Variants in ASTN2 observed in about 807,000 individuals in gnomAD.
ASTN2 encodes astrotactin-2.
Under a neutral mutation model 139.8 loss-of-function variants are expected in ASTN2, and 54 were observed. The observed-to-expected ratio is 0.39, with a 90% CI of 0.31 to 0.48. The LOEUF is 0.48. Among genes scored for constraint, ASTN2 ranks in the 20% least tolerant of loss-of-function variants. The pLI, the probability that ASTN2 is intolerant of heterozygous loss-of-function variation, is 0.95. For synonymous variants in ASTN2, 756 were observed against 719.5 expected, an observed-to-expected ratio of 1.05 and a Z score of -0.81; for missense variants, 1,565 against 1,725.1, an observed-to-expected ratio of 0.91 and a Z score of 1.64.
chr9:117,212,864 G>C (rs1342487887), intron 3 of ASTN2, among the ~76,000 whole-genome samples: 1 of 152,084 alleles, frequency 6.6e-6, no homozygotes, highest in Non-Finnish European at 1.5e-5. Context: ...TCACTATATA[G>C]AACAGTTTGG....
chr9:117,237,442 G>T (rs1833078640), intron 2 of ASTN2, among the ~76,000 whole-genome samples: 1 of 152,064 alleles, frequency 6.6e-6, no homozygotes, highest in African/African-American at 2.4e-5. Context: ...CAGCACCTTA[G>T]AATTTTTGTG....
intron 2 of ASTN2, among the ~76,000 whole-genome samples, chr9:117,255,986 C>G (rs563532098): frequency 6.6e-6 from 1 of 152,176 alleles, no homozygotes; most frequent in Admixed American, 6.5e-5. Flanking sequence ...AAGGGAAAAG[C>G]AAATTTGGTC....
In ASTN2 at chr9:117,367,451, C is replaced by T. The variant is rs114390766; in HGVS notation, c.442+47046G>A. On this transcript the variant is annotated intron_variant, in intron 1 of 22. Coordinates refer to ENST00000313400, the MANE Select transcript of ASTN2 (RefSeq NM_001365068.1). ...TACTAATACCTGTATACTTCAAATG[C>T]GTTTTCTGTAAAGAAGGGACATTTT... 7.6e-3 allele frequency among the ~76,000 whole-genome samples: 1,149 copies of T among 152,152 alleles called. 16 individuals are homozygous for T. The highest frequency in any genetic ancestry group is 0.026 in the African/African-American group (1,074 of 41,524).
chr9:116,489,303 ATTCT>A (rs1439670706), intron 19 of ASTN2, among the ~76,000 whole-genome samples: 2 of 152,184 alleles, frequency 1.3e-5, no homozygotes, highest in Admixed American at 6.5e-5. Context: ...GAAAAGTTTC[ATTCT>A]TTATTTTATT....
intron 19 of ASTN2, among the ~76,000 whole-genome samples, chr9:116,597,929 T>C (rs1433966743): frequency 6.6e-6 from 1 of 152,122 alleles, no homozygotes; most frequent in Non-Finnish European, 1.5e-5. Flanking sequence ...ACCCCAAAGG[T>C]GAGCTGGAGA....
At chr9:116,498,160 C>G (rs2119125672) in intron 19 of ASTN2, among the ~76,000 whole-genome samples, 1 of 152,308 alleles carries the variant, frequency 6.6e-6, no homozygotes, top group East Asian at 1.9e-4. Context: ...AAACACACAG[C>G]TACTACCCAG....
rs572111912 is a variant in ASTN2, at chr9:116,966,670, TATAGTA to T, written c.1889+8532_1889+8537del. 3.8e-3 allele frequency among the ~76,000 whole-genome samples: 581 copies of T among 151,574 alleles called. 4 individuals are homozygous for T. Among genetic ancestry groups the T allele is most frequent in the African/African-American group, 0.014 (567 of 41,222 alleles). ...CCTGGGAGGAAGTGTGGTGGCCTTT[TATAGTA>T]ATGTTTCTCAGACGGGCCTCATTTT... On this transcript the variant is annotated intron_variant, in intron 10 of 22. Transcript: ENST00000313400.
chr9:116,655,589 C>T (rs1483877543), intron 16 of ASTN2, among the ~76,000 whole-genome samples: 3 of 152,202 alleles, frequency 2.0e-5, no homozygotes, highest in South Asian at 4.1e-4. Flanking sequence ...CATCTCCAGC[C>T]CTGCCTTTTC....
chr9:116,759,242 T>G (rs1350647342), intron 13 of ASTN2, among the ~76,000 whole-genome samples: 4 of 152,178 alleles, frequency 2.6e-5, no homozygotes. Context: ...TTGTGCTGGA[T>G]AAATGGATGA....
chr9:116,777,208 T>G (rs1830106559), intron 13 of ASTN2, among the ~76,000 whole-genome samples: 1 of 152,062 alleles, frequency 6.6e-6, no homozygotes, highest in South Asian at 2.1e-4. Flanking sequence ...GAAAAGAATG[T>G]GACAGAAGGG....
intron 20 of ASTN2, among the ~76,000 whole-genome samples, chr9:116,473,385 T>C (rs1848877399): frequency 6.6e-6 from 1 of 152,126 alleles, no homozygotes; most frequent in South Asian, 2.1e-4. Context: ...AAGAGAAACA[T>C]TATAGGTTCA....
intron 16 of ASTN2, among the ~76,000 whole-genome samples, chr9:116,656,092 G>A (rs1259057961): frequency 2.6e-5 from 4 of 152,034 alleles, no homozygotes; most frequent in Admixed American, 1.3e-4. Context: ...TTAATGTCTC[G>A]AGATTGTAAA....
chr9:117,075,150 C>T lies in ASTN2; in HGVS notation c.1276+20894G>A, dbSNP rs559753145. ...CCAACATCCTTGGGCGATCCCTGCCCTCCTATTTTTAATGGAGCCCCTTCT... is the reference window on the plus strand; with the variant it reads ...CCAACATCCTTGGGCGATCCCTGCCTTCCTATTTTTAATGGAGCCCCTTCT... On this transcript the variant is annotated intron_variant, in intron 5 of 22. Coordinates refer to ENST00000313400, the MANE Select transcript of ASTN2 (RefSeq NM_001365068.1). 3.9e-5 allele frequency among the ~76,000 whole-genome samples: 6 copies of T among 152,320 alleles called. No homozygotes were observed. In the East Asian group the frequency reaches 7.7e-4, roughly 20 times the overall value.
chr9:116,487,530 C>G, intron 19 of ASTN2, 30 bp from the exon 20 acceptor site: 1 of 1,605,986 alleles, frequency 6.2e-7, no homozygotes, highest in South Asian at 1.1e-5. Flanking sequence ...GATGAGCTCC[C>G]CAGCTCAGGC....
intron 1 of ASTN2, among the ~76,000 whole-genome samples, chr9:117,363,433 G>T (rs908825191): frequency 6.6e-6 from 1 of 152,158 alleles, no homozygotes; most frequent in Non-Finnish European, 1.5e-5. Context: ...TATGAAAATT[G>T]TTCAAGGTAA....
intron 16 of ASTN2, among the ~76,000 whole-genome samples, chr9:116,677,494 T>C (rs542243711): frequency 6.6e-6 from 1 of 152,298 alleles, no homozygotes; most frequent in East Asian, 1.9e-4. Context: ...GTAGGAAATA[T>C]ACTTTAAGGA....
chr9:117,359,963 C>T (rs2130893696), intron 1 of ASTN2, among the ~76,000 whole-genome samples: 1 of 152,274 alleles, frequency 6.6e-6, no homozygotes, highest in Non-Finnish European at 1.5e-5. Flanking sequence ...ATCGGCTTTT[C>T]TCAGAAGGAA....
At chr9:116,975,676 G>GC (rs1343567245) in intron 9 of ASTN2, among the ~76,000 whole-genome samples, 1 of 152,196 alleles carries the variant, frequency 6.6e-6, no homozygotes, top group Non-Finnish European at 1.5e-5. Flanking sequence ...TGCTATGTCA[G>GC]CAGGGACAGT....
chr9:116,621,453 A>G (rs1478449816), intron 17 of ASTN2, among the ~76,000 whole-genome samples: 1 of 151,890 alleles, frequency 6.6e-6, no homozygotes, highest in African/African-American at 2.4e-5. Flanking sequence ...ACACACACAC[A>G]CACACACACA....
Sources: allele counts gnomAD v4.1 joint callset (sites outside exome capture counted in the v4.1 genomes callset), GRCh38; gene constraint gnomAD v4.1.1; transcripts MANE v1.5; gene names NCBI Gene and HGNC (gene_info 2026-07-23, HGNC 2026-07-21).